The following TMPRSS11A variants were observed in gnomAD, a reference collection of about 807,000 sequenced individuals.
The protein encoded by TMPRSS11A is transmembrane serine protease 11A.
In TMPRSS11A, 53 loss-of-function variants were observed where a neutral mutation model predicts 58.9. That is an observed-to-expected ratio of 0.90 (90% CI 0.72 to 1.13). TMPRSS11A has a LOEUF of 1.13. Among genes scored for constraint, TMPRSS11A ranks in the 50% most tolerant of loss-of-function variants. The pLI, the probability that TMPRSS11A is intolerant of heterozygous loss-of-function variation, is 0.00. For missense variants in TMPRSS11A, 493 were observed against 499.3 expected (o/e 0.99, Z 0.12); for synonymous variants, 167 against 169.8 (o/e 0.98, Z 0.13).
In TMPRSS11A at chr4:67,930,549, C is replaced by G. The variant is rs563444546; in HGVS notation, c.321-509G>C. 1.5e-3 allele frequency among the ~76,000 whole-genome samples: 221 copies of G among 152,034 alleles called. 1 individual carries two copies. Among genetic ancestry groups the G allele is most frequent in the African/African-American group, 4.9e-3 (203 of 41,488 alleles). On this transcript the variant is annotated intron_variant, in intron 4 of 9. Coordinates refer to ENST00000508048, the MANE Select transcript of TMPRSS11A (RefSeq NM_001114387.2). The stretch of plus-strand genomic sequence containing the variant: ...ATCTCCCATTCCATAAGGCTTAGGT[C>G]TACCAGTTGGAACATACATAAAATA...
Position 67,909,943 on chromosome 4 carries a change from C to T in TMPRSS11A, c.*1399G>A, listed in dbSNP as rs1719924040. On this transcript the variant is annotated 3_prime_UTR_variant, in exon 10 of 10. Transcript: ENST00000508048. Reference sequence around the variant, plus strand: ...TAGATATTTTAGGATTATTTTCATGCCTTCTCAATAGCATGTGAGGGAAAT... The same window carrying T: ...TAGATATTTTAGGATTATTTTCATGTCTTCTCAATAGCATGTGAGGGAAAT... The T allele has an allele frequency of 6.6e-6, 1 of 151,878 alleles. No individual in the cohort carries two copies. Among genetic ancestry groups the T allele is most frequent in the South Asian group, 2.1e-4 (1 of 4,814 alleles). 9.4% of individuals were successfully genotyped at this position (151,878 alleles called of 1,614,324 possible).
intron 1 of TMPRSS11A, among the ~76,000 whole-genome samples, chr4:67,952,452 G>A (rs1394271232): frequency 3.3e-5 from 5 of 152,144 alleles, no homozygotes; most frequent in Admixed American, 2.6e-4. Context: ...TTACTGATAT[G>A]AAGCTCCACC....
rs1018346863 is a variant in TMPRSS11A, at chr4:67,910,657, G to T, written c.*685C>A. 1.1e-4 allele frequency: 17 copies of T among 151,606 alleles called. No individual in the cohort carries two copies. The highest frequency in any genetic ancestry group is 2.7e-4 in the African/African-American group (11 of 41,258). 9.4% of individuals were successfully genotyped at this position (151,606 alleles called of 1,614,324 possible). A position where few individuals can be genotyped will look rare whatever the true frequency, so the allele number is the denominator to read the frequency against. Reference sequence around the variant, plus strand: ...TCTATCTATATATAATTCATTAATCGGGATTTTTCTGATTATATCTGTAGG... The same window carrying T: ...TCTATCTATATATAATTCATTAATCTGGATTTTTCTGATTATATCTGTAGG... On this transcript the variant is annotated 3_prime_UTR_variant, in exon 10 of 10. Transcript: ENST00000508048.
At chr4:67,949,225 C>T (rs1721097388) in intron 1 of TMPRSS11A, among the ~76,000 whole-genome samples, 1 of 152,108 alleles carries the variant, frequency 6.6e-6, no homozygotes, top group African/African-American at 2.4e-5. Flanking sequence ...CACCAAGACA[C>T]ATAGTCACAC....
chr4:67,929,855 A>G, intron 5 of TMPRSS11A, 25 bp downstream of exon 5: 4 of 1,573,312 alleles, frequency 2.5e-6, no homozygotes, highest in Non-Finnish European at 3.5e-6. Context: ...ACAACTTCAT[A>G]TCACATAGAA....
chr4:67,935,691 A>T (rs116680009), intron 3 of TMPRSS11A, among the ~76,000 whole-genome samples: 2,056 of 152,298 alleles, frequency 0.013, 61 homozygotes, highest in African/African-American at 0.047. Flanking sequence ...ACAAATTGAT[A>T]AAAAGGTGAG....
At chr4:67,916,827 A>C (rs1263561182) in intron 8 of TMPRSS11A, among the ~76,000 whole-genome samples, 1 of 150,382 alleles carries the variant, frequency 6.6e-6, no homozygotes, top group African/African-American at 2.5e-5. Context: ...ACTCTGTTTC[A>C]AAATAAAAAT....
chr4:67,951,232 A>C (rs1277064025), intron 1 of TMPRSS11A, among the ~76,000 whole-genome samples: 1 of 152,250 alleles, frequency 6.6e-6, no homozygotes, highest in Admixed American at 6.5e-5. Context: ...TTTTCTAAAG[A>C]TGCTGTCAAT....
intron 3 of TMPRSS11A, among the ~76,000 whole-genome samples, chr4:67,941,863 C>G (rs1406685778): frequency 6.6e-6 from 1 of 151,916 alleles, no homozygotes; most frequent in Non-Finnish European, 1.5e-5. Context: ...AATCATAAGG[C>G]AAAACAGTGA....
chr4:67,921,385 G>A (rs150634802), intron 7 of TMPRSS11A, among the ~76,000 whole-genome samples: 2 of 152,194 alleles, frequency 1.3e-5, no homozygotes, highest in East Asian at 3.9e-4. Flanking sequence ...TCAGGCTGGA[G>A]TGCAGTGGTG....
chr4:67,933,690 A>T (rs1252915897), intron 3 of TMPRSS11A, among the ~76,000 whole-genome samples: 2 of 152,170 alleles, frequency 1.3e-5, no homozygotes, highest in Non-Finnish European at 2.9e-5. Context: ...TGAAAGGGTG[A>T]CTTTGTTATA....
Position 67,919,146 on chromosome 4 carries a change from A to T in TMPRSS11A, c.779T>A (p.Ile260Asn). The T allele has an allele frequency of 7.4e-6, 12 of 1,614,198 alleles. No individual in the cohort carries two copies. Among genetic ancestry groups the T allele is most frequent in the Non-Finnish European group, 1.0e-5 (12 of 1,180,030 alleles). The change falls in exon 8 of 10, where the codon ATC becomes AAC. Residue 260 changes from isoleucine to asparagine, a missense_variant. Coordinates refer to ENST00000508048, the MANE Select transcript of TMPRSS11A (RefSeq NM_001114387.2). ...TGCTGCAGAGCGGTACTTCTCATGG[A>T]TAATAAATCTTCTGACATTTCTTTT... ...LMKRNVRRFI[I>N]HEKYRSAARE...
chr4:67,948,029 T>C lies in TMPRSS11A; in HGVS notation c.12-1458A>G, dbSNP rs370801711. On this transcript the variant is annotated intron_variant, in intron 1 of 9. Coordinates refer to ENST00000508048, the MANE Select transcript of TMPRSS11A (RefSeq NM_001114387.2). ...TCCAATTTATCAGAGTTTATCTCTTTATGTGTATATATTGATAGCCTAAAT... is the reference window on the plus strand; with the variant it reads ...TCCAATTTATCAGAGTTTATCTCTTCATGTGTATATATTGATAGCCTAAAT... Among the ~76,000 whole-genome samples the C allele has an allele frequency of 4.7e-4, 72 of 152,352 alleles. 1 individual carries two copies. In the South Asian group the frequency reaches 0.012, roughly 26 times the overall value.
At position 67,911,484 on chromosome 4, in the gene TMPRSS11A, A is replaced by G. The variant is rs756147862; in HGVS notation, c.1115T>C (p.Leu372Ser). Reference protein sequence around the residue: ...DACRGDSGGPLVTRDLKDTWY... With the variant: ...DACRGDSGGPSVTRDLKDTWY... Reference sequence around the variant, plus strand: ...CGTATCTTTCAGATCCCTTGTGACTAAAGGTCCCCCAGAATCACCCTAAAA... The same window carrying G: ...CGTATCTTTCAGATCCCTTGTGACTGAAGGTCCCCCAGAATCACCCTAAAA... Residue 372 changes from leucine to serine, a missense_variant, in exon 10 of 10, where the codon TTA becomes TCA. Coordinates refer to ENST00000508048, the MANE Select transcript of TMPRSS11A (RefSeq NM_001114387.2). 6 of 1,612,140 alleles carry G rather than the reference A, an allele frequency of 3.7e-6. No individual in the cohort carries two copies. Among genetic ancestry groups the G allele is most frequent in the Non-Finnish European group, 4.2e-6 (5 of 1,179,274 alleles).
At chr4:67,963,359 T>G (rs1189956983) in intron 1 of TMPRSS11A, 24 bp downstream of exon 1, 4 of 1,613,240 alleles carry the variant, frequency 2.5e-6, no homozygotes. Flanking sequence ...AAACAAGCCA[T>G]CTATAAAACA....
At chr4:67,952,113 C>T (rs1721177275) in intron 1 of TMPRSS11A, among the ~76,000 whole-genome samples, 1 of 152,192 alleles carries the variant, frequency 6.6e-6, no homozygotes, top group Non-Finnish European at 1.5e-5. Flanking sequence ...GAAGTGCTGA[C>T]TTTGTAGGGA....
Position 67,914,588 on chromosome 4 carries a change from C to G in TMPRSS11A, c.1095G>C (p.Arg365Ser). The change falls in exon 9 of 10, where the codon AGG becomes AGC. Residue 365 changes from arginine to serine, a missense_variant and splice_region_variant. Physicochemically the swap from Arg to Ser is moderately radical, Grantham distance 110. Coordinates refer to ENST00000508048, the MANE Select transcript of TMPRSS11A (RefSeq NM_001114387.2). The part of the protein sequence containing the change: ...GYMEGIYDAC[R>S]GDSGGPLVTR... ...ATATAAAAAAATCCCTCCAACTTAC[C>G]CTGCAGGCATCATAAATTCCTTCCA... The G allele has an allele frequency of 1.9e-6, 3 of 1,613,046 alleles. No individual in the cohort carries two copies. The African/African-American group carries it at 4.0e-5, about 22-fold the overall frequency.
chr4:67,922,728 G>A lies in TMPRSS11A; in HGVS notation c.692+27C>T, dbSNP rs547367376. The stretch of plus-strand genomic sequence containing the variant: ...AACTCAGGGCTTTTTAGCAGAAGTG[G>A]GTTCTAACTTAAGGTCAATAACTTA... On this transcript the variant is annotated intron_variant, in intron 7 of 9. Transcript: ENST00000508048. 18 of 1,586,494 alleles carry A rather than the reference G, an allele frequency of 1.1e-5. 1 individual carries two copies. The South Asian group carries it at 2.0e-4, about 18-fold the overall frequency.
intron 8 of TMPRSS11A, among the ~76,000 whole-genome samples, chr4:67,917,212 A>C (rs1720182509): frequency 6.6e-6 from 1 of 151,926 alleles, no homozygotes; most frequent in African/African-American, 2.4e-5. Context: ...GTGAGAACTT[A>C]ATTATTGATT....
Sources: gnomAD v4.1 joint callset for allele counts (sites outside exome capture counted in the v4.1 genomes callset) on GRCh38, gnomAD v4.1.1 for gene constraint, MANE v1.5 for transcripts, NCBI Gene and HGNC (gene_info 2026-07-23, HGNC 2026-07-21) for gene names.